LRP1B: variants seen among roughly 807,000 people sequenced by gnomAD.
LRP1B encodes low-density lipoprotein receptor-related protein 1B.
In LRP1B, 217 loss-of-function variants were observed where a neutral mutation model predicts 556.6. The ratio of observed to expected loss-of-function variants is 0.39; its 90% CI spans 0.35 to 0.44. The LOEUF (loss-of-function observed/expected upper bound fraction) is 0.44. LRP1B is among the 20% of genes least tolerant of loss of function. The probability of loss-of-function intolerance (pLI) is 1.00; values close to 1 mark genes in which losing one functional copy is unlikely to be tolerated. For synonymous variants in LRP1B, 2,047 were observed against 1,865.8 expected, an observed-to-expected ratio of 1.10 and a Z score of -2.50; for missense variants, 5,053 against 5,620.8, an observed-to-expected ratio of 0.90 and a Z score of 3.23.
chr2:140,578,008 T>A (rs1173540829), intron 43 of LRP1B, among the ~76,000 whole-genome samples: 1 of 152,128 alleles, frequency 6.6e-6, no homozygotes, highest in Non-Finnish European at 1.5e-5. Flanking sequence ...TCCATCAATA[T>A]AAAAGAATGA....
At chr2:140,943,589 A>G (rs1695461061) in intron 20 of LRP1B, among the ~76,000 whole-genome samples, 1 of 152,134 alleles carries the variant, frequency 6.6e-6, no homozygotes, top group African/African-American at 2.4e-5. Flanking sequence ...ATAGTGAAAT[A>G]GAAATAGAAA....
intron 10 of LRP1B, among the ~76,000 whole-genome samples, chr2:141,053,837 T>TGTGTGA (rs1342633945): frequency 6.6e-6 from 1 of 151,638 alleles, no homozygotes; most frequent in Non-Finnish European, 1.5e-5. Context: ...TATGTGTGTG[T>TGTGTGA]GTGTGTGTGT....
intron 3 of LRP1B, among the ~76,000 whole-genome samples, chr2:141,320,669 T>C (rs1347956472): frequency 6.6e-6 from 1 of 152,098 alleles, no homozygotes; most frequent in African/African-American, 2.4e-5. Context: ...AGAATAGGTG[T>C]CACCAAGTAA....
chr2:140,977,993 G>A (rs1696656032), intron 18 of LRP1B, among the ~76,000 whole-genome samples: 1 of 152,110 alleles, frequency 6.6e-6, no homozygotes, highest in Admixed American at 6.6e-5. Context: ...TTGACACAAG[G>A]TCCACTTTCA....
At chr2:140,487,813 G>T in intron 57 of LRP1B, 74 bp from the exon 58 acceptor site, 2 of 968,636 alleles carry the variant, frequency 2.1e-6, no homozygotes, top group Non-Finnish European at 3.0e-6. Flanking sequence ...GAGTTTACAG[G>T]AATCACTGTC....
chr2:140,681,291 A>G (rs891326703), intron 41 of LRP1B, among the ~76,000 whole-genome samples: 8 of 152,222 alleles, frequency 5.3e-5, no homozygotes, highest in Non-Finnish European at 1.0e-4. Flanking sequence ...AACAAATGAA[A>G]TAAAGAGAAA....
chr2:142,034,769 A>G (rs575893341), intron 1 of LRP1B, among the ~76,000 whole-genome samples: 1 of 151,924 alleles, frequency 6.6e-6, no homozygotes, highest in Non-Finnish European at 1.5e-5. Flanking sequence ...AATCATTAAT[A>G]TGCATAATGG....
chr2:140,264,384 A>G (rs1312177279), intron 86 of LRP1B, among the ~76,000 whole-genome samples: 1 of 152,026 alleles, frequency 6.6e-6, no homozygotes. Flanking sequence ...ATGTGCCATC[A>G]CACCTGGCTA....
chr2:141,599,188 T>G (rs1419764051), intron 2 of LRP1B, among the ~76,000 whole-genome samples: 3 of 151,454 alleles, frequency 2.0e-5, no homozygotes, highest in Non-Finnish European at 4.4e-5. Context: ...GTCATATCAC[T>G]TTTGTTCATA....
chr2:140,956,897 T>G (rs530763719), intron 18 of LRP1B, among the ~76,000 whole-genome samples: 1 of 151,702 alleles, frequency 6.6e-6, no homozygotes, highest in Non-Finnish European at 1.5e-5. Context: ...ACTGAAATAT[T>G]TTATTGGTTC....
intron 82 of LRP1B, among the ~76,000 whole-genome samples, chr2:140,318,827 CT>C (rs1282075224): frequency 2.0e-5 from 3 of 151,982 alleles, no homozygotes; most frequent in Admixed American, 2.0e-4. Context: ...GGAGAAATTA[CT>C]AGATAATAAA....
At chr2:141,818,531 C>T (rs1182659267) in intron 1 of LRP1B, among the ~76,000 whole-genome samples, 12 of 82,062 alleles carry the variant, frequency 1.5e-4, no homozygotes, top group Middle Eastern at 0.016. Flanking sequence ...ATTTCTGTAT[C>T]TTTTTTTTTT....
At chr2:141,027,094 C>T (rs1471672572) in intron 11 of LRP1B, among the ~76,000 whole-genome samples, 1 of 151,902 alleles carries the variant, frequency 6.6e-6, no homozygotes, top group East Asian at 1.9e-4. Flanking sequence ...GGCAAAGTTT[C>T]CTTGGAAGAA....
chr2:140,451,610 T>A (rs1042172792), intron 62 of LRP1B, among the ~76,000 whole-genome samples: 1 of 152,162 alleles, frequency 6.6e-6, no homozygotes, highest in Non-Finnish European at 1.5e-5. Flanking sequence ...CCTTTAGCCA[T>A]GATGAGTATG....
At chr2:140,421,986 G>C (rs866384071) in intron 66 of LRP1B, among the ~76,000 whole-genome samples, 5 of 152,170 alleles carry the variant, frequency 3.3e-5, no homozygotes, top group Non-Finnish European at 2.9e-5. Flanking sequence ...ATATAGTAAA[G>C]CCTTCTTACA....
At chr2:141,549,859 G>A (rs1332653493) in intron 2 of LRP1B, among the ~76,000 whole-genome samples, 1 of 152,134 alleles carries the variant, frequency 6.6e-6, no homozygotes, top group Non-Finnish European at 1.5e-5. Context: ...GATGGGCGTG[G>A]TGGTGCATGC....
intron 43 of LRP1B, among the ~76,000 whole-genome samples, chr2:140,580,669 T>C (rs994364780): frequency 6.6e-6 from 1 of 151,782 alleles, no homozygotes; most frequent in South Asian, 2.1e-4. Flanking sequence ...ATTATGTATT[T>C]ATACAGTCAA....
At chr2:140,240,679 C>A (rs1680912417) in intron 87 of LRP1B, among the ~76,000 whole-genome samples, 1 of 150,784 alleles carries the variant, frequency 6.6e-6, no homozygotes, top group African/African-American at 2.4e-5. Context: ...GTTGACAAGT[C>A]AACTTAATCA....
chr2:140,293,829 G>A (rs1219070291), intron 84 of LRP1B, among the ~76,000 whole-genome samples: 1 of 152,194 alleles, frequency 6.6e-6, no homozygotes, highest in African/African-American at 2.4e-5. Context: ...AACAACTCCT[G>A]GGGTCCAATT....
Sources: allele counts gnomAD v4.1 joint callset (sites outside exome capture counted in the v4.1 genomes callset), GRCh38; gene constraint gnomAD v4.1.1; transcripts MANE v1.5; gene names NCBI Gene and HGNC (gene_info 2026-07-23, HGNC 2026-07-21).